Variants in TSEN15 observed in about 807,000 individuals in gnomAD.
TSEN15 encodes tRNA-splicing endonuclease subunit Sen15.
TSEN15 carries 10 observed loss-of-function variants against 20.5 expected under a neutral mutation model. That is an observed-to-expected ratio of 0.49 (90% CI 0.30 to 0.83). TSEN15 has a LOEUF of 0.83. Among genes scored for constraint, TSEN15 ranks in the 40% least tolerant of loss-of-function variants. TSEN15 has a pLI of 0.06. For missense variants in TSEN15, 180 were observed against 218.6 expected (o/e 0.82, Z 1.11); for synonymous variants, 72 against 80.1 (o/e 0.90, Z 0.54).
chr1:184,056,276 A>G (rs1321969654), intron 3 of TSEN15, among the ~76,000 whole-genome samples: 6 of 152,114 alleles, frequency 3.9e-5, no homozygotes, highest in Non-Finnish European at 5.9e-5. Flanking sequence ...ATTTTTGCCA[A>G]TGGAATGGAT....
intron 4 of TSEN15, 30 bp downstream of exon 4, chr1:184,072,328 G>T: frequency 6.4e-7 from 1 of 1,571,248 alleles, no homozygotes. Context: ...ACAGCAAGAA[G>T]TACAAAAAGA....
chr1:184,055,416 T>C lies in TSEN15; in HGVS notation c.353+553T>C, dbSNP rs140853302. ...CATGGGATTTGGGCAGGAACAAATA[T>C]ACAAAGTATATCAAGCATTCAACAA... On this transcript the variant is annotated intron_variant, in intron 3 of 4. Coordinates refer to ENST00000645668, the MANE Select transcript of TSEN15 (RefSeq NM_052965.4). 3.1e-3 allele frequency among the ~76,000 whole-genome samples: 468 copies of C among 152,324 alleles called. 2 individuals are homozygous for C. Among genetic ancestry groups the C allele is most frequent in the African/African-American group, 7.3e-3 (304 of 41,568 alleles).
intron 3 of TSEN15, among the ~76,000 whole-genome samples, chr1:184,086,902 A>G (rs1017904175): frequency 2.0e-5 from 3 of 152,180 alleles, no homozygotes; most frequent in Non-Finnish European, 4.4e-5. Context: ...AGGTGTATTC[A>G]AGTTTACCTT....
At chr1:184,057,249 G>A (rs1231970070) in intron 3 of TSEN15, among the ~76,000 whole-genome samples, 1 of 152,118 alleles carries the variant, frequency 6.6e-6, no homozygotes, top group Non-Finnish European at 1.5e-5. Context: ...AGGAAGGATG[G>A]ATTCAAGAGG....
intron 3 of TSEN15, among the ~76,000 whole-genome samples, chr1:184,063,533 T>C (rs1557881381): frequency 2.0e-5 from 3 of 152,208 alleles, no homozygotes. Flanking sequence ...TATTAATGCA[T>C]ATCATATCCT....
At chr1:184,075,908 A>G (rs764162331), downstream of TSEN15, among the ~76,000 whole-genome samples, 2 of 99,488 alleles carry the variant, frequency 2.0e-5, no homozygotes, top group Non-Finnish European at 4.1e-5. Flanking sequence ...ATATATATAT[A>G]TATTTTTTTT....
downstream of TSEN15, among the ~76,000 whole-genome samples, chr1:184,077,176 C>T (rs1207735096): frequency 6.6e-6 from 1 of 152,028 alleles, no homozygotes; most frequent in African/African-American, 2.4e-5. Context: ...GGGGCTAATG[C>T]AGCTGATGAC....
intron 3 of TSEN15, among the ~76,000 whole-genome samples, chr1:184,083,939 C>T (rs1432007202): frequency 6.6e-6 from 1 of 152,156 alleles, no homozygotes. Flanking sequence ...TTAAAAACAA[C>T]AACAACATAT....
chr1:184,064,356 A>T (rs539522777), intron 3 of TSEN15, among the ~76,000 whole-genome samples: 23 of 152,242 alleles, frequency 1.5e-4, no homozygotes, highest in African/African-American at 5.5e-4. Context: ...GAGGGCCTGA[A>T]ATTTGCCAAT....
downstream of TSEN15, among the ~76,000 whole-genome samples, chr1:184,077,807 A>G (rs1368281273): frequency 6.6e-6 from 1 of 152,202 alleles, no homozygotes; most frequent in Non-Finnish European, 1.5e-5. Context: ...GAAGATGTAA[A>G]TGGATTGTTA....
Position 184,072,934 on chromosome 1 carries a change from G to T in TSEN15, c.*87G>T. 7.4e-7 allele frequency: 1 copy of T among 1,347,216 alleles called. No homozygotes were observed. Among genetic ancestry groups the T allele is most frequent in the Non-Finnish European group, 1.0e-6 (1 of 966,094 alleles). 83.5% of individuals were successfully genotyped at this position (1,347,216 alleles called of 1,614,324 possible). ...GCTTCATCTTTTATCTCAGAAATAG[G>T]GTTGACGTACATAGTGAGGGTTGAC... On this transcript the variant is annotated 3_prime_UTR_variant, in exon 5 of 5. Coordinates refer to ENST00000645668, the MANE Select transcript of TSEN15 (RefSeq NM_052965.4).
At chr1:184,052,326 A>T (rs573673712) in intron 1 of TSEN15, among the ~76,000 whole-genome samples, 47 of 152,340 alleles carry the variant, frequency 3.1e-4, no homozygotes, top group Admixed American at 9.1e-4. Context: ...CCTTGGGCCC[A>T]GAATGCATCT....
downstream of TSEN15, among the ~76,000 whole-genome samples, chr1:184,077,088 C>G (rs1006048854): frequency 6.6e-6 from 1 of 152,076 alleles, no homozygotes; most frequent in African/African-American, 2.4e-5. Flanking sequence ...GAAGAAAATG[C>G]CATCTAGGAC....
chr1:184,089,019 G>A (rs1039523664), intron 3 of TSEN15, among the ~76,000 whole-genome samples: 8 of 152,210 alleles, frequency 5.3e-5, no homozygotes, highest in African/African-American at 1.9e-4. Context: ...CTTGGCCAAA[G>A]GGAGCAGCTG....
chr1:184,067,247 A>G (rs1339321101), intron 3 of TSEN15, among the ~76,000 whole-genome samples: 1 of 152,104 alleles, frequency 6.6e-6, no homozygotes, highest in Non-Finnish European at 1.5e-5. Flanking sequence ...TACCACTTAC[A>G]CTACAACTGT....
At chr1:184,072,636 C>A (rs1345527341) in intron 4 of TSEN15, 191 bp from the exon 5 acceptor site, 2 of 618,890 alleles carry the variant, frequency 3.2e-6, no homozygotes, top group Non-Finnish European at 5.5e-6. Flanking sequence ...TAAAAAAACG[C>A]TTATTTAAGA....
chr1:184,070,521 A>C (rs771693559), intron 3 of TSEN15: 2 of 440,272 alleles, frequency 4.5e-6, no homozygotes, highest in Non-Finnish European at 7.7e-6. Context: ...TAGTTGATCC[A>C]TTGTCTGTTT....
chr1:184,051,732 C>G lies in TSEN15; in HGVS notation c.-24C>G. 4.3e-6 allele frequency: 6 copies of G among 1,386,612 alleles called. No homozygotes were observed. Among genetic ancestry groups the G allele is most frequent in the Non-Finnish European group, 5.6e-6 (6 of 1,069,104 alleles). The allele number at this position is 1,386,612 out of a possible 1,614,324, so 85.9% of individuals were successfully genotyped here. On this transcript the variant is annotated 5_prime_UTR_variant, in exon 1 of 5. Transcript: ENST00000645668. ...TGGCCGGGCGCGGGTCGTGGTGCAC[C>G]ACGGGAGCGCCGCACCGGCCGGCAT... is the stretch of plus-strand genomic sequence containing the variant.
chr1:184,095,906 C>A (rs1651441466), exon 4 of TSEN15: 1 of 395,302 alleles, frequency 2.5e-6, no homozygotes, highest in Non-Finnish European at 4.5e-6. Context: ...TGCTTTGGTA[C>A]AGCAGCAGGC....
Sources: allele counts gnomAD v4.1 joint callset (sites outside exome capture counted in the v4.1 genomes callset), GRCh38; gene constraint gnomAD v4.1.1; transcripts MANE v1.5; gene names NCBI Gene and HGNC (gene_info 2026-07-23, HGNC 2026-07-21).